Variants in CERS6 observed in about 807,000 individuals in gnomAD.
CERS6 encodes the protein LAG1 homolog, ceramide synthase 6.
Under a neutral mutation model 56.8 loss-of-function variants are expected in CERS6, and 26 were observed. That is an observed-to-expected ratio of 0.46 (90% CI 0.34 to 0.63). The LOEUF (loss-of-function observed/expected upper bound fraction) is 0.63. Ranked by LOEUF, CERS6 falls within the 30% of genes least tolerant of loss-of-function variation. The probability of loss-of-function intolerance (pLI) is 0.01; values close to 1 mark genes in which losing one functional copy is unlikely to be tolerated. For missense variants in CERS6, 415 were observed against 467.5 expected (o/e 0.89, Z 1.04); for synonymous variants, 164 against 173.3 (o/e 0.95, Z 0.42).
chr2:168,493,473 C>A (rs1377449541), intron 1 of CERS6, among the ~76,000 whole-genome samples: 1 of 152,188 alleles, frequency 6.6e-6, no homozygotes, highest in Non-Finnish European at 1.5e-5. Flanking sequence ...GTCCAGAGTT[C>A]AGGCTCTTAA....
At chr2:168,623,832 A>G (rs1574107990) in intron 3 of CERS6, among the ~76,000 whole-genome samples, 1 of 152,278 alleles carries the variant, frequency 6.6e-6, no homozygotes, top group South Asian at 2.1e-4. Context: ...CTTTAAGGTC[A>G]CAGGACCCCA....
Position 168,564,188 on chromosome 2 carries a change from C to G in CERS6, c.407+2866C>G, listed in dbSNP as rs1695843200. ...TTCCTCTCACCAGTTTCTTCCAAAG[C>G]CATGTGTACAGTGCAGATGTTTCTT... On this transcript the variant is annotated intron_variant, in intron 3 of 9. Transcript: ENST00000305747. Among the ~76,000 whole-genome samples the G allele has an allele frequency of 2.0e-5, 3 of 152,192 alleles. No homozygotes were observed. In the East Asian group the frequency reaches 5.8e-4, roughly 29 times the overall value.
chr2:168,522,539 A>T (rs35469070), intron 1 of CERS6, among the ~76,000 whole-genome samples: 19 of 147,356 alleles, frequency 1.3e-4, no homozygotes, highest in Non-Finnish European at 2.6e-4. Context: ...ACTTAGGTGA[A>T]TTTTTTTTTT....
Position 168,461,937 on chromosome 2 carries a change from G to A in CERS6, c.170+5319G>A, listed in dbSNP as rs974752463. ...ACAGGTGGCAGCAGAGGGAAAATGG[G>A]ATTTCAGGTGAGTTTCCTCCATCAG... is the stretch of plus-strand genomic sequence containing the variant. On this transcript the variant is annotated intron_variant, in intron 1 of 9. Transcript: ENST00000305747. Among the ~76,000 whole-genome samples, 58 of 152,198 alleles carry A rather than the reference G, an allele frequency of 3.8e-4. 1 individual carries two copies. The highest frequency in any genetic ancestry group is 7.8e-4 in the Non-Finnish European group (53 of 68,044).
At chr2:168,625,034 G>A (rs1027629932) in intron 3 of CERS6, among the ~76,000 whole-genome samples, 13 of 152,078 alleles carry the variant, frequency 8.5e-5, no homozygotes, top group Middle Eastern at 3.2e-3. Flanking sequence ...GATTTATATT[G>A]TGTTAAATTT....
intron 3 of CERS6, among the ~76,000 whole-genome samples, chr2:168,621,674 A>G (rs1684474204): frequency 6.6e-6 from 1 of 152,176 alleles, no homozygotes; most frequent in South Asian, 2.1e-4. Context: ...CAACTTGGAG[A>G]GAAAAGAATG....
At position 168,480,243 on chromosome 2, in the gene CERS6, G is replaced by A. The variant is rs139127337; in HGVS notation, c.170+23625G>A. 7.2e-5 allele frequency among the ~76,000 whole-genome samples: 11 copies of A among 152,320 alleles called. No homozygotes were observed. In the East Asian group the frequency reaches 2.1e-3, roughly 29 times the overall value. ...GATATGCCAGTGGAGTAAAAGTATA[G>A]GGAGTCTTCCCCAATGTCTTTGCCT... On this transcript the variant is annotated intron_variant, in intron 1 of 9. Transcript: ENST00000305747.
chr2:168,590,188 T>C (rs771700360), intron 3 of CERS6, among the ~76,000 whole-genome samples: 47 of 152,228 alleles, frequency 3.1e-4, no homozygotes, highest in Admixed American at 9.2e-4. Context: ...GAAATTCCTT[T>C]CACCTGGGCA....
intron 4 of CERS6, among the ~76,000 whole-genome samples, chr2:168,649,681 T>C (rs1685296387): frequency 6.6e-6 from 1 of 152,126 alleles, no homozygotes; most frequent in Non-Finnish European, 1.5e-5. Context: ...ACCTAAGTGC[T>C]ATCACCCCTT....
intron 7 of CERS6, among the ~76,000 whole-genome samples, chr2:168,717,632 A>T (rs1366837369): frequency 6.6e-6 from 1 of 152,158 alleles, no homozygotes; most frequent in African/African-American, 2.4e-5. Flanking sequence ...ATATTTTATT[A>T]AATCTGTAAC....
At chr2:168,531,096 T>C (rs1044539099) in intron 1 of CERS6, among the ~76,000 whole-genome samples, 1 of 152,180 alleles carries the variant, frequency 6.6e-6, no homozygotes, top group Non-Finnish European at 1.5e-5. Context: ...GAAAGGTTTA[T>C]AGGATTCAGG....
At chr2:168,631,528 A>ATATT (rs1559028108) in intron 4 of CERS6, among the ~76,000 whole-genome samples, 1 of 13,280 alleles carries the variant, frequency 7.5e-5, no homozygotes, top group African/African-American at 1.3e-4. Context: ...TATTATATAA[A>ATATT]TACATATTAA....
intron 1 of CERS6, among the ~76,000 whole-genome samples, chr2:168,545,197 A>T (rs1574055964): frequency 6.6e-6 from 1 of 152,150 alleles, no homozygotes; most frequent in African/African-American, 2.4e-5. Context: ...AATTATAATA[A>T]TTTTTTCACA....
intron 1 of CERS6, among the ~76,000 whole-genome samples, chr2:168,500,017 G>A (rs1694551354): frequency 6.6e-6 from 1 of 152,068 alleles, no homozygotes; most frequent in South Asian, 2.1e-4. Flanking sequence ...GTGTGGGTGG[G>A]TCAGATCCTA....
intron 4 of CERS6, among the ~76,000 whole-genome samples, chr2:168,650,148 G>A (rs1048917715): frequency 2.6e-5 from 4 of 152,192 alleles, no homozygotes; most frequent in Non-Finnish European, 5.9e-5. Context: ...ACTTGCTCCA[G>A]GTTTAATTCT....
chr2:168,695,285 TG>T (rs1425684652), intron 6 of CERS6, among the ~76,000 whole-genome samples: 2 of 152,294 alleles, frequency 1.3e-5, no homozygotes, highest in African/African-American at 4.8e-5. Context: ...CATGTAATAA[TG>T]TAGCAATGAA....
intron 1 of CERS6, among the ~76,000 whole-genome samples, chr2:168,512,671 T>TTTTC (rs1431002972): frequency 7.3e-6 from 1 of 137,062 alleles, no homozygotes. Flanking sequence ...TTTCTTTTCT[T>TTTTC]TTTTTTTTTT....
intron 1 of CERS6, among the ~76,000 whole-genome samples, chr2:168,469,897 C>T (rs1269155333): frequency 2.0e-5 from 3 of 152,112 alleles, no homozygotes; most frequent in Non-Finnish European, 4.4e-5. Flanking sequence ...TATGAAGATA[C>T]GCAGCCTAAA....
intron 1 of CERS6, among the ~76,000 whole-genome samples, chr2:168,492,364 T>C (rs1184835402): frequency 6.6e-6 from 1 of 152,246 alleles, no homozygotes; most frequent in African/African-American, 2.4e-5. Context: ...ATTTCTCTAA[T>C]GACTAGTGAT....
Sources: allele counts gnomAD v4.1 joint callset (sites outside exome capture counted in the v4.1 genomes callset), GRCh38; gene constraint gnomAD v4.1.1; transcripts MANE v1.5; gene names NCBI Gene and HGNC (gene_info 2026-07-23, HGNC 2026-07-21).